The following SNTG2 variants were observed in gnomAD, a reference collection of about 807,000 sequenced individuals.
SNTG2 encodes the protein gamma-2-syntrophin.
Under a neutral mutation model 70.9 loss-of-function variants are expected in SNTG2, and 74 were observed. The ratio of observed to expected loss-of-function variants is 1.04; its 90% CI spans 0.86 to 1.27. SNTG2 has a LOEUF of 1.27. Ranked by LOEUF, SNTG2 falls within the 50% of genes most tolerant of loss-of-function variation. The pLI is 0.00. For missense variants in SNTG2, 717 were observed against 690.7 expected, an observed-to-expected ratio of 1.04 and a Z score of -0.43; for synonymous variants, 278 against 273.8, an observed-to-expected ratio of 1.02 and a Z score of -0.15.
intron 1 of SNTG2, among the ~76,000 whole-genome samples, chr2:961,929 A>G (rs543352769): frequency 3.7e-4 from 56 of 152,242 alleles, no homozygotes; most frequent in Admixed American, 3.9e-4. Context: ...TGCTGAGGAA[A>G]ATTTACTTTT....
At chr2:1,183,973 C>CA (rs1672094544) in intron 8 of SNTG2, among the ~76,000 whole-genome samples, 1 of 152,004 alleles carries the variant, frequency 6.6e-6, no homozygotes, top group Non-Finnish European at 1.5e-5. Context: ...CTATTTCCTA[C>CA]AAAAAATATA....
At chr2:1,256,078 C>A (rs1031829919) in intron 12 of SNTG2, among the ~76,000 whole-genome samples, 7 of 150,848 alleles carry the variant, frequency 4.6e-5, no homozygotes, top group Non-Finnish European at 7.4e-5. Context: ...TTTACAGAAA[C>A]CTAGATGGGC....
intron 14 of SNTG2, among the ~76,000 whole-genome samples, chr2:1,284,779 G>C (rs1190914122): frequency 1.3e-5 from 2 of 151,970 alleles, no homozygotes; most frequent in African/African-American, 4.8e-5. Flanking sequence ...ATAGACATTT[G>C]TGTTTGTAAT....
At chr2:1,054,174 G>C (rs2148088855) in intron 1 of SNTG2, among the ~76,000 whole-genome samples, 1 of 152,204 alleles carries the variant, frequency 6.6e-6, no homozygotes, top group South Asian at 2.1e-4. Flanking sequence ...ACCTTTGGTT[G>C]TTTCCCGTGG....
chr2:1,009,147 C>T (rs1572216616), intron 1 of SNTG2, among the ~76,000 whole-genome samples: 1 of 133,822 alleles, frequency 7.5e-6, no homozygotes, highest in Non-Finnish European at 1.7e-5. Context: ...TGTATGGCAG[C>T]CACACCTGTG....
chr2:1,259,950 C>T (rs13028273), intron 13 of SNTG2, among the ~76,000 whole-genome samples: 46,241 of 152,056 alleles, frequency 0.3, 7,892 homozygotes, highest in African/African-American at 0.46. Context: ...CCCAGGCCCC[C>T]GCCCACCTGA....
intron 2 of SNTG2, among the ~76,000 whole-genome samples, chr2:1,093,530 G>T (rs1665172653): frequency 6.6e-6 from 1 of 152,204 alleles, no homozygotes; most frequent in South Asian, 2.1e-4. Flanking sequence ...AAAGTTCCTA[G>T]ATATGCTAAT....
intron 14 of SNTG2, among the ~76,000 whole-genome samples, chr2:1,302,248 C>T (rs192834049): frequency 1.8e-3 from 268 of 152,092 alleles, no homozygotes; most frequent in African/African-American, 5.7e-3. Context: ...TGTGAGCCAC[C>T]GCGCCCGGCC....
At chr2:1,305,444 C>T (rs930392378) in intron 14 of SNTG2, among the ~76,000 whole-genome samples, 3 of 152,234 alleles carry the variant, frequency 2.0e-5, no homozygotes, top group African/African-American at 7.2e-5. Flanking sequence ...GGCAACCCTT[C>T]CTTCAGGATT....
rs141915288 is a variant in SNTG2 at position 1,338,547 on chromosome 2, C to T, written c.1488+22172C>T. Among the ~76,000 whole-genome samples, 405 of 152,282 alleles carry T rather than the reference C, an allele frequency of 2.7e-3. 1 individual carries two copies. The highest frequency in any genetic ancestry group is 7.4e-3 in the African/African-American group (308 of 41,566). ...TTTCCCCTTCTCCCAATCCCCAGCT[C>T]CGGGTAACCTCTATTCTATTGTCTG... On this transcript the variant is annotated intron_variant, in intron 16 of 16. Transcript: ENST00000308624.
intron 1 of SNTG2, among the ~76,000 whole-genome samples, chr2:1,043,515 T>G (rs550298563): frequency 4.6e-4 from 70 of 152,288 alleles, no homozygotes; most frequent in African/African-American, 1.6e-3. Context: ...AGAATAGTAT[T>G]TCCAAGTTTC....
At chr2:1,153,488 T>C (rs1669656077) in intron 6 of SNTG2, among the ~76,000 whole-genome samples, 1 of 152,212 alleles carries the variant, frequency 6.6e-6, no homozygotes, top group Non-Finnish European at 1.5e-5. Flanking sequence ...GAAAATATTA[T>C]ATGATTAGGA....
chr2:983,165 A>G (rs1661173283), intron 1 of SNTG2, among the ~76,000 whole-genome samples: 1 of 144,526 alleles, frequency 6.9e-6, no homozygotes, highest in Admixed American at 6.9e-5. Context: ...GGAGGTCGTG[A>G]TGAAGCAGAG....
chr2:1,243,802 C>T (rs532161626), intron 11 of SNTG2, among the ~76,000 whole-genome samples: 203 of 152,320 alleles, frequency 1.3e-3, no homozygotes, highest in African/African-American at 4.8e-3. Context: ...CCGAGGTGGG[C>T]AGATCAGGAG....
chr2:1,356,017 C>T (rs570354618), intron 16 of SNTG2, among the ~76,000 whole-genome samples: 1 of 152,236 alleles, frequency 6.6e-6, no homozygotes, highest in East Asian at 1.9e-4. Context: ...AAGTCCCTTG[C>T]GTATTTTGAA....
At chr2:1,281,425 G>GT (rs1324311928) in intron 14 of SNTG2, among the ~76,000 whole-genome samples, 9 of 10,272 alleles carry the variant, frequency 8.8e-4, no homozygotes, top group African/African-American at 1.7e-3. Context: ...GTGTGTGTGT[G>GT]GTGTGGTGTG....
At chr2:1,349,334 A>G (rs1660459254) in intron 16 of SNTG2, among the ~76,000 whole-genome samples, 1 of 152,350 alleles carries the variant, frequency 6.6e-6, no homozygotes, top group East Asian at 1.9e-4. Flanking sequence ...GGAAGTTACA[A>G]GTCTTATGAG....
At chr2:1,299,199 G>A (rs946774260) in intron 14 of SNTG2, among the ~76,000 whole-genome samples, 2 of 152,208 alleles carry the variant, frequency 1.3e-5, no homozygotes. Context: ...TTTCCGGGCC[G>A]TGGAAACACA....
intron 1 of SNTG2, among the ~76,000 whole-genome samples, chr2:982,558 A>G (rs11685692): frequency 0.31 from 46,427 of 152,154 alleles, 7,488 homozygotes; most frequent in Middle Eastern, 0.41. Flanking sequence ...GCACTAATGT[A>G]AAATACGAAA....
Sources: gnomAD v4.1 joint callset for allele counts (sites outside exome capture counted in the v4.1 genomes callset) on GRCh38, gnomAD v4.1.1 for gene constraint, MANE v1.5 for transcripts, NCBI Gene and HGNC (gene_info 2026-07-23, HGNC 2026-07-21) for gene names.